The following NTM variants were observed in gnomAD, a reference collection of about 807,000 sequenced individuals.
The protein encoded by NTM is IgLON family member 2.
NTM carries 13 observed loss-of-function variants against 42.1 expected under a neutral mutation model. That is an observed-to-expected ratio of 0.31 (90% confidence interval 0.20 to 0.49). NTM has a LOEUF of 0.49. NTM is among the 20% of genes least tolerant of loss of function. The pLI is 0.99. For synonymous variants in NTM, 187 were observed against 179.2 expected, an observed-to-expected ratio of 1.04 and a Z score of -0.35; for missense variants, 373 against 452.8, an observed-to-expected ratio of 0.82 and a Z score of 1.60.
At chr11:132,151,981 C>T (rs570392795) in intron 3 of NTM, among the ~76,000 whole-genome samples, 14 of 152,310 alleles carry the variant, frequency 9.2e-5, no homozygotes, top group African/African-American at 2.6e-4. Context: ...TATATACAAC[C>T]GTGTTTCTTT....
intron 3 of NTM, among the ~76,000 whole-genome samples, chr11:132,189,095 G>C (rs1039939075): frequency 6.6e-6 from 1 of 152,190 alleles, no homozygotes; most frequent in Non-Finnish European, 1.5e-5. Flanking sequence ...ATGTTTGATA[G>C]TGTTGGGAAG....
At chr11:131,418,130 A>T (rs946039663) in intron 1 of NTM, among the ~76,000 whole-genome samples, 1 of 152,220 alleles carries the variant, frequency 6.6e-6, no homozygotes, top group African/African-American at 2.4e-5. Flanking sequence ...TTCAGCTAGG[A>T]GGTAGCGAGG....
At chr11:132,132,576 A>G (rs1175520080) in intron 2 of NTM, among the ~76,000 whole-genome samples, 3 of 152,182 alleles carry the variant, frequency 2.0e-5, no homozygotes, top group Non-Finnish European at 2.9e-5. Flanking sequence ...GAACGATAGC[A>G]TCCGCACTCA....
intron 1 of NTM, among the ~76,000 whole-genome samples, chr11:131,753,981 A>G (rs1331141411): frequency 3.9e-5 from 6 of 151,994 alleles, no homozygotes; most frequent in Non-Finnish European, 5.9e-5. Flanking sequence ...TGTCCTTTGT[A>G]GTGACTTGGA....
intron 2 of NTM, among the ~76,000 whole-genome samples, chr11:132,044,178 GTA>G (rs1566016652): frequency 6.4e-5 from 3 of 46,886 alleles, no homozygotes; most frequent in Non-Finnish European, 3.7e-5. Context: ...ATGTGCATGT[GTA>G]TGTGTGTGTG....
intron 1 of NTM, among the ~76,000 whole-genome samples, chr11:131,512,142 G>T (rs2048328537): frequency 6.6e-6 from 1 of 152,134 alleles, no homozygotes. Context: ...AAGCTCTCCT[G>T]CATGGACCAT....
chr11:132,203,432 T>C (rs541998438), intron 3 of NTM, among the ~76,000 whole-genome samples: 1 of 152,316 alleles, frequency 6.6e-6, no homozygotes, highest in African/African-American at 2.4e-5. Context: ...GAGACTCTAA[T>C]GATTGCCATG....
chr11:131,936,529 A>C (rs10894475), intron 2 of NTM, among the ~76,000 whole-genome samples: 1 of 152,112 alleles, frequency 6.6e-6, no homozygotes, highest in African/African-American at 2.4e-5. Flanking sequence ...AAAACTACCT[A>C]ATGGATACAA....
chr11:132,014,756 T>TTTTTTTTTTTA (rs56725783), intron 2 of NTM, among the ~76,000 whole-genome samples: 1 of 135,366 alleles, frequency 7.4e-6, no homozygotes. Flanking sequence ...TTTTTTTTTT[T>TTTTTTTTTTTA]GCTGTTGAGT....
intron 4 of NTM, among the ~76,000 whole-genome samples, chr11:132,283,881 C>G (rs2094113629): frequency 6.6e-6 from 1 of 152,114 alleles, no homozygotes; most frequent in Non-Finnish European, 1.5e-5. Context: ...TGCCCAGGCC[C>G]CATGGGAGTG....
At chr11:131,976,116 A>ATCCCTTCC (rs1555201515) in intron 2 of NTM, among the ~76,000 whole-genome samples, 124 of 123,872 alleles carry the variant, frequency 1.0e-3, no homozygotes, top group Non-Finnish European at 1.6e-3. Flanking sequence ...TCCCTCCCTC[A>ATCCCTTCC]TTCCTTCCTT....
chr11:131,387,482 C>T (rs527810826), intron 1 of NTM, among the ~76,000 whole-genome samples: 1 of 152,150 alleles, frequency 6.6e-6, no homozygotes, highest in Non-Finnish European at 1.5e-5. Flanking sequence ...ACTGTACATT[C>T]CCATCTTAGT....
Position 131,679,857 on chromosome 11 carries a change from G to A in NTM, c.83-231707G>A, listed in dbSNP as rs187083350. ...AGGCTGACATTGAGAACCACTGTTT[G>A]TTAGGAGAATTTTGAGGCATGGGCT... On this transcript the variant is annotated intron_variant, in intron 1 of 8. Coordinates refer to ENST00000683400, the MANE Select transcript of NTM (RefSeq NM_001352005.2). Among the ~76,000 whole-genome samples the A allele has an allele frequency of 1.6e-3, 250 of 152,182 alleles. 1 individual carries two copies. Among genetic ancestry groups the A allele is most frequent in the African/African-American group, 5.9e-3 (244 of 41,510 alleles).
intron 2 of NTM, among the ~76,000 whole-genome samples, chr11:131,971,671 A>G (rs556922145): frequency 4.9e-4 from 75 of 152,036 alleles, no homozygotes; most frequent in Admixed American, 4.5e-3. Flanking sequence ...TTAATCTTCT[A>G]TCTATATGTA....
chr11:132,192,464 T>C (rs1434593840), intron 3 of NTM, among the ~76,000 whole-genome samples: 1 of 152,074 alleles, frequency 6.6e-6, no homozygotes, highest in Non-Finnish European at 1.5e-5. Flanking sequence ...AAGCAAACAC[T>C]AAGGGAATTT....
rs149789433 is a variant in NTM, at chr11:131,860,610, G to A, written c.83-50954G>A. Among the ~76,000 whole-genome samples the A allele has an allele frequency of 4.1e-4, 62 of 152,264 alleles. No individual in the cohort carries two copies. The East Asian group carries it at 0.01, about 25-fold the overall frequency. The stretch of plus-strand genomic sequence containing the variant: ...CACATTGCTTGCACGGATAATCTAG[G>A]CACAAGGAGCCACGCTTACTAGTTA... On this transcript the variant is annotated intron_variant, in intron 1 of 8. Transcript: ENST00000683400.
chr11:131,719,916 TC>T (rs1320580387), intron 1 of NTM, among the ~76,000 whole-genome samples: 2 of 152,180 alleles, frequency 1.3e-5, no homozygotes, highest in African/African-American at 4.8e-5. Context: ...ATGGTGGACT[TC>T]CTTTGTTGCA....
chr11:131,795,812 C>T, intron 1 of NTM: 2 of 985,362 alleles, frequency 2.0e-6, no homozygotes, highest in Non-Finnish European at 2.4e-6. Context: ...GCACAGAACT[C>T]TCAGAGTGAT....
chr11:131,574,400 T>C (rs2057738019), intron 1 of NTM, among the ~76,000 whole-genome samples: 1 of 152,152 alleles, frequency 6.6e-6, no homozygotes, highest in Admixed American at 6.5e-5. Context: ...GTTCATACTC[T>C]ATTTTACAGA....
Sources: gnomAD v4.1 joint callset for allele counts (sites outside exome capture counted in the v4.1 genomes callset) on GRCh38, gnomAD v4.1.1 for gene constraint, MANE v1.5 for transcripts, NCBI Gene and HGNC (gene_info 2026-07-23, HGNC 2026-07-21) for gene names.